Variants in TTC7B observed in about 807,000 individuals in gnomAD.
The protein encoded by TTC7B is tetratricopeptide repeat protein 7B.
TTC7B carries 28 observed loss-of-function variants against 106.8 expected under a neutral mutation model. That is an observed-to-expected ratio of 0.26 (90% confidence interval 0.19 to 0.36). The LOEUF (loss-of-function observed/expected upper bound fraction) is 0.36. TTC7B is among the 10% of genes least tolerant of loss of function. The probability of loss-of-function intolerance (pLI) is 1.00; values close to 1 mark genes in which losing one functional copy is unlikely to be tolerated. For missense variants in TTC7B, 862 were observed against 1,076.4 expected, an observed-to-expected ratio of 0.80 and a Z score of 2.79; for synonymous variants, 405 against 430.6, an observed-to-expected ratio of 0.94 and a Z score of 0.74.
intron 7 of TTC7B, among the ~76,000 whole-genome samples, chr14:90,682,924 C>T (rs1885525958): frequency 6.6e-6 from 1 of 152,192 alleles, no homozygotes; most frequent in African/African-American, 2.4e-5. Flanking sequence ...TTTACCAACT[C>T]ATTTTCTGAT....
At chr14:90,787,730 G>T (rs1891440650) in intron 1 of TTC7B, among the ~76,000 whole-genome samples, 1 of 152,168 alleles carries the variant, frequency 6.6e-6, no homozygotes, top group Non-Finnish European at 1.5e-5. Context: ...ATAGGTCTTA[G>T]CATGCTCTAT....
At chr14:90,753,635 C>T (rs1890199986) in intron 3 of TTC7B, among the ~76,000 whole-genome samples, 1 of 152,196 alleles carries the variant, frequency 6.6e-6, no homozygotes, top group Admixed American at 6.5e-5. Context: ...GACAGGGACG[C>T]CGGCCTGGAT....
At chr14:90,646,583 T>C (rs1364832024) in intron 14 of TTC7B, among the ~76,000 whole-genome samples, 7 of 152,190 alleles carry the variant, frequency 4.6e-5, no homozygotes, top group African/African-American at 1.2e-4. Context: ...ATCCCCACCA[T>C]GCAGCTCAGC....
At chr14:90,671,819 C>T (rs572796156) in intron 9 of TTC7B, among the ~76,000 whole-genome samples, 2 of 152,302 alleles carry the variant, frequency 1.3e-5, no homozygotes, top group East Asian at 1.9e-4. Flanking sequence ...AAGAAAGGCA[C>T]GATGATGTGG....
intron 19 of TTC7B, among the ~76,000 whole-genome samples, chr14:90,565,402 T>TC (rs1247347963): frequency 6.9e-6 from 1 of 144,908 alleles, no homozygotes; most frequent in Non-Finnish European, 1.5e-5. Flanking sequence ...TTTCTAGCTT[T>TC]TTTTTTTTTT....
intron 19 of TTC7B, among the ~76,000 whole-genome samples, chr14:90,562,332 C>T (rs1034990715): frequency 1.3e-5 from 2 of 152,224 alleles, no homozygotes; most frequent in African/African-American, 4.8e-5. Flanking sequence ...GGTTCCCTCA[C>T]CAACCCTTGT....
At chr14:90,749,496 C>T (rs1223661784) in intron 3 of TTC7B, among the ~76,000 whole-genome samples, 1 of 151,460 alleles carries the variant, frequency 6.6e-6, no homozygotes, top group East Asian at 1.9e-4. Context: ...ACCTCCACCT[C>T]CCAGGTTCAA....
chr14:90,784,430 G>A (rs1453437733), intron 2 of TTC7B, among the ~76,000 whole-genome samples: 3 of 152,110 alleles, frequency 2.0e-5, no homozygotes, highest in South Asian at 2.1e-4. Flanking sequence ...GGTGGCGGGT[G>A]CCTGTAGTCC....
chr14:90,781,404 T>G (rs761597704), intron 2 of TTC7B, among the ~76,000 whole-genome samples: 3 of 152,182 alleles, frequency 2.0e-5, no homozygotes, highest in Non-Finnish European at 2.9e-5. Flanking sequence ...TAAAAATCAC[T>G]GAAGTGGACA....
In TTC7B at chr14:90,617,961, T is replaced by C; in HGVS notation, c.1836A>G (p.Ile612Met). ...TGGTGAGGTTGTAGCAGGATTTCCA[T>C]ATCTGCAGCATGTGCTTACAAGTCA... ...ALLTCKHMLQ[I>M]WKSCYNLTNP... Residue 612 changes from isoleucine to methionine, a missense_variant, in exon 16 of 20, where the codon ATA becomes ATG. By Grantham distance (10) the Ile-to-Met change is conservative (BLOSUM62 1). Coordinates refer to ENST00000328459, the MANE Select transcript of TTC7B (RefSeq NM_001010854.2). 6.2e-7 allele frequency: 1 copy of C among 1,613,988 alleles called. No homozygotes were observed. Among genetic ancestry groups the C allele is most frequent in the South Asian group, 1.1e-5 (1 of 91,086 alleles).
intron 5 of TTC7B, among the ~76,000 whole-genome samples, chr14:90,704,360 T>G (rs966009735): frequency 1.3e-5 from 2 of 152,244 alleles, no homozygotes; most frequent in Non-Finnish European, 2.9e-5. Flanking sequence ...TCTTCTCAAT[T>G]GTAGCTTTAT....
intron 18 of TTC7B, among the ~76,000 whole-genome samples, chr14:90,584,582 A>G (rs926647343): frequency 3.8e-4 from 58 of 152,168 alleles, no homozygotes; most frequent in African/African-American, 1.4e-3. Flanking sequence ...CAGAAGGGAC[A>G]TCTTTCGGAA....
At chr14:90,614,106 C>T (rs57049984) in intron 16 of TTC7B, among the ~76,000 whole-genome samples, 18,230 of 152,128 alleles carry the variant, frequency 0.12, 1,139 homozygotes, top group South Asian at 0.18. Context: ...AGAAGGGCCT[C>T]GGCTAGGAAA....
intron 19 of TTC7B, among the ~76,000 whole-genome samples, chr14:90,571,009 C>A (rs909037247): frequency 6.6e-6 from 1 of 152,138 alleles, no homozygotes; most frequent in Non-Finnish European, 1.5e-5. Context: ...CCTAAGGGAC[C>A]ACACCAACAT....
chr14:90,543,965 C>A (rs1889711929), intron 19 of TTC7B, among the ~76,000 whole-genome samples: 1 of 152,332 alleles, frequency 6.6e-6, no homozygotes, highest in East Asian at 1.9e-4. Flanking sequence ...TGAGAGACAA[C>A]CTGGCTTCCA....
rs182273390 is a variant in TTC7B at position 90,796,922 on chromosome 14, G to A, written c.122-10594C>T. On this transcript the variant is annotated intron_variant, in intron 1 of 19. Transcript: ENST00000328459. ...GAGTGCAGTGGCACAATCTCAGCCC[G>A]TTGCAACCTGACTCCCAGGCTCAAG... Among the ~76,000 whole-genome samples, 47 of 150,570 alleles carry A rather than the reference G, an allele frequency of 3.1e-4. No homozygotes were observed. The East Asian group carries it at 3.8e-3, about 12-fold the overall frequency.
intron 3 of TTC7B, among the ~76,000 whole-genome samples, chr14:90,780,470 A>AAGAAAAAGAAAGAAAG (rs10672789): frequency 2.0e-5 from 3 of 146,362 alleles, no homozygotes; most frequent in African/African-American, 7.9e-5. Flanking sequence ...GAAAGAAAGA[A>AAGAAAAAGAAAGAAAG]AAAGAAAGAA....
chr14:90,805,475 G>A lies in TTC7B; in HGVS notation c.121+10700C>T, dbSNP rs778655717. On this transcript the variant is annotated intron_variant, in intron 1 of 19. Transcript: ENST00000328459. The surrounding 1 kb of genome is among the most constrained non-coding windows in gnomAD (Gnocchi z 4.0). ...GAGACAGAGTTTCACCATGTTGGCC[G>A]GGCTGGTCTCGAAATCCTCACCTCA... 2.6e-5 allele frequency among the ~76,000 whole-genome samples: 4 copies of A among 152,048 alleles called. No individual in the cohort carries two copies. The highest frequency in any genetic ancestry group is 4.8e-5 in the African/African-American group (2 of 41,388).
At chr14:90,595,761 G>C (rs544295413) in intron 17 of TTC7B, among the ~76,000 whole-genome samples, 35 of 152,266 alleles carry the variant, frequency 2.3e-4, no homozygotes, top group Non-Finnish European at 4.1e-4. Context: ...ATCCCAGACC[G>C]ACCACATCAC....
Sources: allele counts gnomAD v4.1 joint callset (sites outside exome capture counted in the v4.1 genomes callset), GRCh38; gene constraint gnomAD v4.1.1; non-coding constraint Gnocchi (gnomAD v3.1); transcripts MANE v1.5; gene names NCBI Gene and HGNC (gene_info 2026-07-23, HGNC 2026-07-21).